Variants in ZRANB3 observed in about 807,000 individuals in gnomAD.
ZRANB3 encodes DNA annealing helicase and endonuclease ZRANB3.
In ZRANB3, 125 loss-of-function variants were observed where a neutral mutation model predicts 133.8. The ratio of observed to expected loss-of-function variants is 0.93; its 90% CI spans 0.81 to 1.08. ZRANB3 has a LOEUF of 1.08. Ranked by LOEUF, ZRANB3 falls within the 50% of genes least tolerant of loss-of-function variation. The pLI, the probability that ZRANB3 is intolerant of heterozygous loss-of-function variation, is 0.00. For synonymous variants in ZRANB3, 387 were observed against 432.7 expected (o/e 0.89, Z 1.31); for missense variants, 1,229 against 1,275.5 (o/e 0.96, Z 0.56).
intron 2 of ZRANB3, among the ~76,000 whole-genome samples, chr2:135,492,266 G>A (rs1692421276): frequency 6.6e-6 from 1 of 152,122 alleles, no homozygotes; most frequent in South Asian, 2.1e-4. Context: ...AAGACAAACT[G>A]AGTAACAAAG....
chr2:135,302,522 G>A (rs1168062563), intron 8 of ZRANB3, among the ~76,000 whole-genome samples: 7 of 145,560 alleles, frequency 4.8e-5, no homozygotes, highest in Non-Finnish European at 4.4e-5. Flanking sequence ...CTTCAAACCA[G>A]GGTTTGTTTT....
chr2:135,313,347 C>T (rs1683094078), intron 8 of ZRANB3, 142 bp downstream of exon 8: 1 of 568,640 alleles, frequency 1.8e-6, no homozygotes, highest in Non-Finnish European at 2.9e-6. Flanking sequence ...AGTGAGGCTC[C>T]CAACTCAAAA....
chr2:135,288,873 CGTGT>C (rs57200280), intron 8 of ZRANB3, among the ~76,000 whole-genome samples: 6,183 of 141,280 alleles, frequency 0.044, 389 homozygotes, highest in African/African-American at 0.14. Flanking sequence ...CTTCATTTAT[CGTGT>C]GTGTGTGTGT....
At chr2:135,352,305 C>T in intron 4 of ZRANB3, among the ~76,000 whole-genome samples, 1 of 150,672 alleles carries the variant, frequency 6.6e-6, no homozygotes, top group Admixed American at 6.6e-5. Flanking sequence ...GCATTCCAGC[C>T]TGGGCGATAG....
chr2:135,322,254 G>T (rs762052838), intron 6 of ZRANB3, among the ~76,000 whole-genome samples: 23 of 152,078 alleles, frequency 1.5e-4, no homozygotes, highest in Non-Finnish European at 2.8e-4. Flanking sequence ...CGACTGTAAA[G>T]AAAAATAGTG....
intron 10 of ZRANB3, 84 bp downstream of exon 10, chr2:135,271,684 T>G: frequency 1.4e-6 from 2 of 1,465,892 alleles, no homozygotes; most frequent in Non-Finnish European, 1.8e-6. Context: ...AAGTTACAAG[T>G]TTATAAACCA....
At chr2:135,343,186 CAA>C (rs1176402987) in intron 6 of ZRANB3, among the ~76,000 whole-genome samples, 3 of 46,490 alleles carry the variant, frequency 6.5e-5, no homozygotes, top group South Asian at 7.1e-4. Context: ...ACTCTGTCTC[CAA>C]AAAAAAAAAA....
At chr2:135,271,372 C>T (rs1338907797) in intron 10 of ZRANB3, 1 of 472,638 alleles carries the variant, frequency 2.1e-6, no homozygotes, top group Non-Finnish European at 4.4e-6. Context: ...TTCTTTTCCC[C>T]CAGGCCACCT....
At chr2:135,318,307 T>C (rs1465326553) in intron 6 of ZRANB3, among the ~76,000 whole-genome samples, 3 of 148,718 alleles carry the variant, frequency 2.0e-5, no homozygotes, top group Admixed American at 6.8e-5. Context: ...CTAGGAAACA[T>C]TCCTAACTTT....
intron 3 of ZRANB3, among the ~76,000 whole-genome samples, chr2:135,367,668 C>T (rs914366308): frequency 2.0e-4 from 30 of 152,220 alleles, no homozygotes; most frequent in Non-Finnish European, 1.8e-4. Flanking sequence ...TTCTTCTCTA[C>T]GGTAGCATCT....
At chr2:135,293,638 T>A (rs1258426049) in intron 8 of ZRANB3, among the ~76,000 whole-genome samples, 1 of 151,836 alleles carries the variant, frequency 6.6e-6, no homozygotes, top group Non-Finnish European at 1.5e-5. Context: ...CTATGTTGAA[T>A]AGGAGTGGTG....
Position 135,313,587 on chromosome 2 carries a change from C to G in ZRANB3, c.868G>C (p.Glu290Gln). 6.2e-7 allele frequency: 1 copy of G among 1,612,946 alleles called. No individual in the cohort carries two copies. Among genetic ancestry groups the G allele is most frequent in the African/African-American group, 1.3e-5 (1 of 75,010 alleles). ...AAAKELNTSFEEWEKIMRTPN... is the reference protein window; with the variant it reads ...AAAKELNTSFQEWEKIMRTPN... The stretch of plus-strand genomic sequence containing the variant: ...GTTCTCATTATTTTTTCCCACTCTT[C>G]AAAGCTGGTATTCAATTCCTATGTG... Residue 290 changes from glutamate (E) to glutamine (Q), a missense_variant, in exon 8 of 21, where the codon GAA becomes CAA. Glu to Gln is a conservative substitution (Grantham distance 29). Coordinates refer to ENST00000264159, the MANE Select transcript of ZRANB3 (RefSeq NM_032143.4).
At chr2:135,527,822 G>C (rs1574260627) in intron 1 of ZRANB3, among the ~76,000 whole-genome samples, 1 of 152,212 alleles carries the variant, frequency 6.6e-6, no homozygotes, top group South Asian at 2.1e-4. Flanking sequence ...ACTAAAGACA[G>C]AGATATGTGT....
At chr2:135,227,338 G>A (rs1694792514) in intron 14 of ZRANB3, among the ~76,000 whole-genome samples, 1 of 152,196 alleles carries the variant, frequency 6.6e-6, no homozygotes, top group African/African-American at 2.4e-5. Flanking sequence ...GATTCATACA[G>A]TCTTGACATT....
At chr2:135,228,085 A>G (rs1694829672) in intron 13 of ZRANB3, 70 bp from the exon 14 acceptor site, 1 of 1,271,406 alleles carries the variant, frequency 7.9e-7, no homozygotes, top group South Asian at 1.5e-5. Flanking sequence ...AGAATGTAAC[A>G]GTTAGGTCTT....
chr2:135,508,422 C>A (rs992109492), intron 1 of ZRANB3, among the ~76,000 whole-genome samples: 4 of 152,022 alleles, frequency 2.6e-5, no homozygotes, highest in Non-Finnish European at 5.9e-5. Flanking sequence ...CAGGCGTGAG[C>A]CACCGCACCT....
intron 1 of ZRANB3, among the ~76,000 whole-genome samples, chr2:135,507,326 G>A (rs1693234224): frequency 6.6e-6 from 1 of 152,180 alleles, no homozygotes; most frequent in South Asian, 2.1e-4. Context: ...AAATATATGA[G>A]TCTGAAGTTC....
intron 2 of ZRANB3, among the ~76,000 whole-genome samples, chr2:135,439,045 T>G (rs1255792668): frequency 1.3e-5 from 2 of 152,322 alleles, no homozygotes; most frequent in East Asian, 3.9e-4. Flanking sequence ...CGTTATATTA[T>G]CTGTATTTGC....
intron 3 of ZRANB3, among the ~76,000 whole-genome samples, chr2:135,360,582 G>A (rs1423685723): frequency 6.6e-6 from 1 of 151,994 alleles, no homozygotes; most frequent in African/African-American, 2.4e-5. Context: ...GTGAGCACCT[G>A]TAGTCCCAGC....
Sources: allele counts gnomAD v4.1 joint callset (sites outside exome capture counted in the v4.1 genomes callset), GRCh38; gene constraint gnomAD v4.1.1; transcripts MANE v1.5; gene names NCBI Gene and HGNC (gene_info 2026-07-23, HGNC 2026-07-21).